MTMR10: variants seen among roughly 807,000 people sequenced by gnomAD.
MTMR10 encodes the protein myotubularin-related protein 10.
A neutral mutation model predicts 88.1 loss-of-function variants in MTMR10; 56 were observed. The observed-to-expected ratio is 0.64, with a 90% confidence interval of 0.51 to 0.79. The LOEUF (loss-of-function observed/expected upper bound fraction) is 0.79, where lower values mean the gene tolerates loss of function less well. Among genes scored for constraint, MTMR10 ranks in the 30% least tolerant of loss-of-function variants. The probability of loss-of-function intolerance (pLI) is 0.00; values close to 1 mark genes in which losing one functional copy is unlikely to be tolerated. For missense variants in MTMR10, 883 were observed against 924.7 expected, an observed-to-expected ratio of 0.95 and a Z score of 0.58; for synonymous variants, 380 against 340.9, an observed-to-expected ratio of 1.11 and a Z score of -1.26.
At chr15:30,929,506 GTA>G in the MTMR10 span, 5 of 597,790 alleles carry the variant, frequency 8.4e-6, no homozygotes, top group Non-Finnish European at 1.4e-5. Context: ...GTAAATACAT[GTA>G]TGTGTGTGCA....
chr15:30,946,992 T>C, intron 14 of MTMR10, 138 bp downstream of exon 14: 2 of 1,128,100 alleles, frequency 1.8e-6, no homozygotes, highest in Non-Finnish European at 1.2e-6. Context: ...AAATAATCCA[T>C]TCAGAAATTT....
chr15:30,946,796 G>C (rs766936864), intron 14 of MTMR10: 1 of 698,936 alleles, frequency 1.4e-6, no homozygotes, highest in Non-Finnish European at 2.6e-6. Context: ...AATAAATGTC[G>C]TGTAACAGGG....
chr15:30,946,099 T>A (rs541157966), intron 14 of MTMR10: 1 of 152,428 alleles, frequency 6.6e-6, no homozygotes, highest in South Asian at 2.1e-4. Context: ...CCCTCCCTCC[T>A]GATTCCCCTG....
chr15:30,957,285 A>C (rs1384737174), intron 9 of MTMR10, among the ~76,000 whole-genome samples: 1 of 152,218 alleles, frequency 6.6e-6, no homozygotes, highest in Non-Finnish European at 1.5e-5. Context: ...CGGTAATCAA[A>C]CTGTAACACA....
At chr15:30,923,239 C>G in the MTMR10 span, among the ~76,000 whole-genome samples, 1 of 152,142 alleles carries the variant, frequency 6.6e-6, no homozygotes, top group Admixed American at 6.5e-5. Flanking sequence ...AAGCTATTTC[C>G]TCTCATGGAG....
chr15:30,957,128 A>G (rs1270535990), intron 9 of MTMR10, among the ~76,000 whole-genome samples: 1 of 152,222 alleles, frequency 6.6e-6, no homozygotes, highest in African/African-American at 2.4e-5. Flanking sequence ...CTGAGGCTCC[A>G]TAAGCCTGTT....
chr15:30,980,541 C>T (rs1482111921), intron 2 of MTMR10, among the ~76,000 whole-genome samples: 1 of 152,132 alleles, frequency 6.6e-6, no homozygotes, highest in Non-Finnish European at 1.5e-5. Flanking sequence ...CTAGCTCTGC[C>T]CTCTGAAAGT....
the MTMR10 span, among the ~76,000 whole-genome samples, chr15:30,929,988 GATATC>G: frequency 3.5e-5 from 4 of 114,700 alleles, no homozygotes; most frequent in Non-Finnish European, 5.0e-5. Context: ...TAATATATAA[GATATC>G]ATATATAATA....
chr15:30,933,691 C>G, the MTMR10 span, among the ~76,000 whole-genome samples: 37 of 151,186 alleles, frequency 2.4e-4, no homozygotes, highest in African/African-American at 8.5e-4. Context: ...TTCTTATTTA[C>G]TTGTTCTATA....
the MTMR10 span, chr15:30,925,816 C>T: frequency 1.2e-6 from 2 of 1,614,204 alleles, no homozygotes; most frequent in Middle Eastern, 1.7e-4. Context: ...GCTGTGCCCA[C>T]AGCGTGGGAT....
At chr15:30,922,276 T>G in the MTMR10 span, 1 of 1,613,636 alleles carries the variant, frequency 6.2e-7, no homozygotes, top group Non-Finnish European at 8.5e-7. Flanking sequence ...CTCAGAGAAT[T>G]TATTGTCCTG....
intron 12 of MTMR10, among the ~76,000 whole-genome samples, chr15:30,951,486 C>T (rs968935140): frequency 2.0e-5 from 3 of 147,646 alleles, no homozygotes; most frequent in African/African-American, 7.5e-5. Flanking sequence ...CTTCTATTTG[C>T]AGTCCTTGTG....
chr15:30,979,020 C>T (rs1161113977), intron 2 of MTMR10, among the ~76,000 whole-genome samples: 1 of 152,136 alleles, frequency 6.6e-6, no homozygotes, highest in African/African-American at 2.4e-5. Flanking sequence ...ATACTCAACC[C>T]TTTCTCCTCT....
intron 9 of MTMR10, among the ~76,000 whole-genome samples, chr15:30,957,860 G>GAGA (rs531422812): frequency 5.3e-5 from 8 of 152,230 alleles, no homozygotes; most frequent in Non-Finnish European, 1.2e-4. Context: ...AGGGGTGGAG[G>GAGA]AGACATGGAA....
At chr15:30,922,578 C>G in the MTMR10 span, among the ~76,000 whole-genome samples, 1 of 152,002 alleles carries the variant, frequency 6.6e-6, no homozygotes, top group African/African-American at 2.4e-5. Flanking sequence ...TGCTGATTGG[C>G]GAGATGGGCT....
chr15:30,976,852 G>C lies in MTMR10; in HGVS notation c.225C>G (p.Ile75Met). Residue 75 changes from isoleucine to methionine, a missense_variant, in exon 3 of 16, where the codon ATC becomes ATG. Ile to Met is a conservative substitution (Grantham distance 10). Around this residue, in one of 3 missense-constraint regions of MTMR10, gnomAD observed 414 missense variants for 423.2 expected, o/e 0.98. Coordinates refer to ENST00000435680, the MANE Select transcript of MTMR10 (RefSeq NM_017762.3). Reference protein sequence around the residue: ...WGKLICSNFKISFITDDPMPL... With the variant: ...WGKLICSNFKMSFITDDPMPL... The stretch of plus-strand genomic sequence containing the variant: ...GCATTGGGTCATCTGTAATAAAGGA[G>C]ATTTTGAAGTTACTGCATATCAGCT... The C allele has an allele frequency of 1.2e-6, 2 of 1,613,880 alleles. No homozygotes were observed.
At chr15:30,925,176 G>A in the MTMR10 span, 1 of 1,614,034 alleles carries the variant, frequency 6.2e-7, no homozygotes, top group Non-Finnish European at 8.5e-7. Context: ...GTCAGAACGG[G>A]ACACCGCCTT....
chr15:30,942,927 A>G lies in MTMR10; in HGVS notation c.1694T>C (p.Ile565Thr). ...PFYIGKSTPC[I>T]QNGSVKSFKR... ...AAAAGACTTCACGGAGCCATTCTGTATACAAGGTGTGCTCTTTCCAATGTA... is the reference window on the plus strand; with the variant it reads ...AAAAGACTTCACGGAGCCATTCTGTGTACAAGGTGTGCTCTTTCCAATGTA... The change falls in exon 15 of 16, where the codon ATA becomes ACA. Residue 565 changes from isoleucine (I) to threonine (T), a missense_variant. Ile to Thr is a moderately conservative substitution (Grantham distance 89, BLOSUM62 -1). Transcript: ENST00000435680. 4 of 1,568,590 alleles carry G rather than the reference A, an allele frequency of 2.6e-6. No individual in the cohort carries two copies. The highest frequency in any genetic ancestry group is 2.6e-6 in the Non-Finnish European group (3 of 1,154,466).
chr15:30,937,448 T>A (rs1193759097), downstream of MTMR10, among the ~76,000 whole-genome samples: 2 of 2,932 alleles, frequency 6.8e-4, no homozygotes. Flanking sequence ...GGTAATAAAC[T>A]TTTTTTTTTT....
Sources: allele counts gnomAD v4.1 joint callset (sites outside exome capture counted in the v4.1 genomes callset), GRCh38; gene constraint gnomAD v4.1.1; regional missense constraint gnomAD v4.1.1; transcripts MANE v1.5; gene names NCBI Gene and HGNC (gene_info 2026-07-23, HGNC 2026-07-21).